Variants in ABCC12 observed in about 807,000 individuals in gnomAD.
ABCC12 encodes ATP binding cassette subfamily C member 12.
A neutral mutation model predicts 151.1 loss-of-function variants in ABCC12; 142 were observed. The ratio of observed to expected loss-of-function variants is 0.94; its 90% CI spans 0.82 to 1.08. The LOEUF (loss-of-function observed/expected upper bound fraction) is 1.08, where lower values mean the gene tolerates loss of function less well. Ranked by LOEUF, ABCC12 falls within the 50% of genes least tolerant of loss-of-function variation. The pLI is 0.00. For synonymous variants in ABCC12, 645 were observed against 646.4 expected (o/e 1.00, Z 0.03); for missense variants, 1,638 against 1,691.1 (o/e 0.97, Z 0.55).
intron 3 of ABCC12, among the ~76,000 whole-genome samples, chr16:48,145,229 A>G (rs537372348): frequency 6.6e-6 from 1 of 152,360 alleles, no homozygotes; most frequent in Admixed American, 6.5e-5. Flanking sequence ...CTGGGAGAAG[A>G]TAACGCAGTG....
At chr16:48,093,751 A>G (rs150022200) in intron 24 of ABCC12, among the ~76,000 whole-genome samples, 4 of 152,350 alleles carry the variant, frequency 2.6e-5, no homozygotes, top group East Asian at 1.9e-4. Flanking sequence ...ATGCAAGAGT[A>G]TCAGCTCCCA....
At chr16:48,116,844 C>T (rs1221027018) in intron 14 of ABCC12, among the ~76,000 whole-genome samples, 2 of 152,100 alleles carry the variant, frequency 1.3e-5, no homozygotes, top group Non-Finnish European at 2.9e-5. Flanking sequence ...GGGTGGCAGG[C>T]TCAGCCCGTT....
intron 24 of ABCC12, 93 bp from the exon 25 acceptor site, chr16:48,091,302 C>T: frequency 1.8e-6 from 2 of 1,099,926 alleles, no homozygotes; most frequent in South Asian, 2.5e-5. Flanking sequence ...GTGAATGATC[C>T]CTCCCCTGCC....
At position 48,105,306 on chromosome 16, in the gene ABCC12, T is replaced by C. The variant is rs772912138; in HGVS notation, c.2506A>G (p.Met836Val). Residue 836 changes from methionine to valine, a missense_variant, in exon 21 of 31, where the codon ATG (methionine) becomes GTG (valine). Coordinates refer to ENST00000311303, the MANE Select transcript of ABCC12 (RefSeq NM_001393797.1). The stretch of plus-strand genomic sequence containing the variant: ...GCCAGCACCGCGCCGACCTCACACA[T>C]GGTCCTGTTGCCCTGGGGCCCACAG... ...MTCGPQGNRT[M>V]CEVGAVLADI... The C allele has an allele frequency of 6.2e-7, 1 of 1,612,746 alleles. No individual in the cohort carries two copies. The highest frequency in any genetic ancestry group is 1.1e-5 in the South Asian group (1 of 90,970).
intron 13 of ABCC12, among the ~76,000 whole-genome samples, chr16:48,118,400 A>T (rs527247899): frequency 7.5e-4 from 114 of 152,172 alleles, no homozygotes; most frequent in Non-Finnish European, 1.4e-3. Flanking sequence ...CCTGCTCAGG[A>T]TGCCTGCAGT....
intron 23 of ABCC12, among the ~76,000 whole-genome samples, chr16:48,097,589 G>A (rs1027494306): frequency 2.0e-5 from 3 of 152,160 alleles, no homozygotes; most frequent in Non-Finnish European, 2.9e-5. Context: ...ACAGCCAGGG[G>A]ATGGGGGCAA....
intron 11 of ABCC12, among the ~76,000 whole-genome samples, chr16:48,127,384 G>A (rs909807106): frequency 7.2e-5 from 11 of 152,158 alleles, no homozygotes; most frequent in South Asian, 2.1e-4. Context: ...AACCCACAGC[G>A]TTGCCTGAAA....
intron 8 of ABCC12, among the ~76,000 whole-genome samples, chr16:48,135,657 A>G (rs1279616798): frequency 6.6e-6 from 1 of 152,172 alleles, no homozygotes; most frequent in Non-Finnish European, 1.5e-5. Context: ...TTTCTGAGAC[A>G]TCTCCCTATT....
At position 48,124,250 on chromosome 16, in the gene ABCC12, C is replaced by A; in HGVS notation, c.1550G>T (p.Ser517Ile). The change falls in exon 12 of 31, where the codon AGT (serine) becomes ATT (isoleucine). Residue 517 changes from serine (S) to isoleucine (I), a missense_variant. Physicochemically the swap from Ser to Ile is moderately radical, Grantham distance 142 (BLOSUM62 -2). Transcript: ENST00000311303. ...AGCTGCAAGGAGGGAGCTCTTTCCA[C>A]TTCCCACATTCCCACATATTCCCAA... The part of the protein sequence containing the change: ...KILGICGNVG[S>I]GKSSLLAALL... The A allele has an allele frequency of 6.2e-7, 1 of 1,614,254 alleles. No homozygotes were observed. The highest frequency in any genetic ancestry group is 8.5e-7 in the Non-Finnish European group (1 of 1,180,044).
chr16:48,105,273 C>T lies in ABCC12; in HGVS notation c.2539G>A (p.Gly847Ser), dbSNP rs754919740. The T allele has an allele frequency of 3.7e-6, 6 of 1,613,960 alleles. No homozygotes were observed. The East Asian group carries it at 8.9e-5, about 24-fold the overall frequency. The stretch of plus-strand genomic sequence containing the variant: ...TACACCCACTGGTACACATGCTGAC[C>T]GATGTCTGCCAGCACCGCGCCGACC... ...CEVGAVLADI[G>S]QHVYQWVYTA... The change falls in exon 21 of 31, where the codon GGT (glycine) becomes AGT (serine). Residue 847 changes from glycine to serine, a missense_variant. By Grantham distance (56) the Gly-to-Ser change is moderately conservative. Transcript: ENST00000311303.
chr16:48,113,990 G>T (rs1963789419), intron 15 of ABCC12, among the ~76,000 whole-genome samples: 1 of 152,170 alleles, frequency 6.6e-6, no homozygotes, highest in Non-Finnish European at 1.5e-5. Flanking sequence ...GGGCTGCCAG[G>T]TTTAGCATCC....
At chr16:48,108,009 A>G (rs1415558888) in intron 19 of ABCC12, among the ~76,000 whole-genome samples, 2 of 148,558 alleles carry the variant, frequency 1.3e-5, no homozygotes, top group Non-Finnish European at 3.0e-5. Flanking sequence ...ACTCCATTTC[A>G]AAAAAAAAAG....
intron 22 of ABCC12, among the ~76,000 whole-genome samples, 176 bp downstream of exon 22, chr16:48,103,966 G>T (rs563645218): frequency 1.3e-5 from 2 of 152,092 alleles, no homozygotes; most frequent in African/African-American, 2.4e-5. Context: ...ACCTCTCAGG[G>T]TTGCTCTGGG....
rs1964762666 is a variant in ABCC12 at position 48,140,385 on chromosome 16, T to C, written c.657+302A>G. Among the ~76,000 whole-genome samples the C allele has an allele frequency of 3.3e-5, 5 of 152,148 alleles. No homozygotes were observed. The South Asian group carries it at 8.3e-4, about 25-fold the overall frequency. ...ATTTTATTAAATGCCTATAGTGTGC[T>C]CAGTACTCCTCCACAGTCCCCACTG... On this transcript the variant is annotated intron_variant, in intron 6 of 30. Transcript: ENST00000311303.
chr16:48,148,212 T>G (rs1336919417), intron 2 of ABCC12, among the ~76,000 whole-genome samples: 1 of 149,988 alleles, frequency 6.7e-6, no homozygotes. Flanking sequence ...CCTCCCAAAG[T>G]GCTGGGATTA....
chr16:48,090,268 C>T (rs1962822646), intron 25 of ABCC12, among the ~76,000 whole-genome samples: 1 of 152,148 alleles, frequency 6.6e-6, no homozygotes, highest in African/African-American at 2.4e-5. Context: ...AGCTCTGTTG[C>T]ACAGGCTGGA....
At chr16:48,135,001 G>A (rs1363680929) in intron 8 of ABCC12, among the ~76,000 whole-genome samples, 2 of 149,506 alleles carry the variant, frequency 1.3e-5, no homozygotes, top group Admixed American at 6.7e-5. Flanking sequence ...GCAGTGAGTC[G>A]AGATTGCACC....
At chr16:48,150,915 T>C (rs1965108289) in intron 2 of ABCC12, among the ~76,000 whole-genome samples, 1 of 152,220 alleles carries the variant, frequency 6.6e-6, no homozygotes, top group African/African-American at 2.4e-5. Flanking sequence ...CCTTGCTTAT[T>C]TGTAAGCTCC....
In ABCC12 at chr16:48,104,167, C is replaced by A; in HGVS notation, c.2875G>T (p.Ala959Ser). The change falls in exon 22 of 31, where the codon GCT (alanine) becomes TCT (serine). Residue 959 changes from alanine to serine, a missense_variant. Ala to Ser is a moderately conservative substitution (Grantham distance 99). Coordinates refer to ENST00000311303, the MANE Select transcript of ABCC12 (RefSeq NM_001393797.1). ...CGTAACAGAATGAAGAAGCCTACAGCAAGGCTGGCCACGACTAAAAGGACA... is the reference window on the plus strand; with the variant it reads ...CGTAACAGAATGAAGAAGCCTACAGAAAGGCTGGCCACGACTAAAAGGACA... ...PAVLLVVASL[A>S]VGFFILLRIF... is the part of the protein sequence containing the mutation. The A allele has an allele frequency of 6.2e-7, 1 of 1,614,194 alleles. No homozygotes were observed. The highest frequency in any genetic ancestry group is 8.5e-7 in the Non-Finnish European group (1 of 1,180,054).
Sources: gnomAD v4.1 joint callset for allele counts (sites outside exome capture counted in the v4.1 genomes callset) on GRCh38, gnomAD v4.1.1 for gene constraint, MANE v1.5 for transcripts, NCBI Gene and HGNC (gene_info 2026-07-23, HGNC 2026-07-21) for gene names.